Variants in MCM3AP observed in about 807,000 individuals in gnomAD.
The protein encoded by MCM3AP is germinal-center associated nuclear protein.
A neutral mutation model predicts 184.1 loss-of-function variants in MCM3AP; 126 were observed. That is an observed-to-expected ratio of 0.68 (90% CI 0.59 to 0.79). The LOEUF (loss-of-function observed/expected upper bound fraction) is 0.79, where lower values mean the gene tolerates loss of function less well. MCM3AP is among the 30% of genes least tolerant of loss of function. The pLI is 0.00. For missense variants in MCM3AP, 2,496 were observed against 2,479.2 expected, an observed-to-expected ratio of 1.01 and a Z score of -0.14; for synonymous variants, 1,002 against 979.3, an observed-to-expected ratio of 1.02 and a Z score of -0.43.
At chr21:46,266,781 G>T in intron 10 of MCM3AP, 1 of 591,066 alleles carries the variant, frequency 1.7e-6, no homozygotes, top group South Asian at 2.2e-5. Flanking sequence ...AAAGAACTTG[G>T]TCTGAGCCCT....
At chr21:46,248,771 T>C (rs543419997) in intron 20 of MCM3AP, among the ~76,000 whole-genome samples, 2 of 152,098 alleles carry the variant, frequency 1.3e-5, no homozygotes, top group East Asian at 1.9e-4. Flanking sequence ...AAGTAATATA[T>C]ATGGAATAAA....
At chr21:46,258,524 T>C (rs938517968) in intron 16 of MCM3AP, among the ~76,000 whole-genome samples, 2 of 152,208 alleles carry the variant, frequency 1.3e-5, no homozygotes, top group East Asian at 3.8e-4. Context: ...GAATATACAC[T>C]ATTTGTATAT....
chr21:46,248,615 G>GGA (rs2080815061), intron 20 of MCM3AP, among the ~76,000 whole-genome samples: 2 of 81,282 alleles, frequency 2.5e-5, no homozygotes, highest in African/African-American at 6.2e-5. Context: ...GTAACAGAGA[G>GGA]GAAAAAAAAA....
At chr21:46,280,611 A>G (rs2081320064) in intron 2 of MCM3AP, 36 bp from the exon 3 acceptor site, 2 of 1,422,656 alleles carry the variant, frequency 1.4e-6, no homozygotes, top group African/African-American at 1.4e-5. Flanking sequence ...GTGTGAGTAT[A>G]TCAGGAAACC....
At chr21:46,266,914 C>G in intron 10 of MCM3AP, 68 bp downstream of exon 10, 2 of 1,549,498 alleles carry the variant, frequency 1.3e-6, no homozygotes, top group South Asian at 2.3e-5. Flanking sequence ...CAGCCCTTCA[C>G]AGCCCTTCAT....
chr21:46,262,465 TAGAG>T (rs2081052377), intron 13 of MCM3AP, among the ~76,000 whole-genome samples: 3 of 151,422 alleles, frequency 2.0e-5, no homozygotes, highest in Admixed American at 2.0e-4. Context: ...CTGGGCAACA[TAGAG>T]AGACCCCATC....
rs1287533934 is a variant in MCM3AP at position 46,284,495 on chromosome 21, C to T, written c.792G>A (p.Gln264=). The change falls in exon 1 of 28, where the codon CAG becomes CAA. Residue 264 remains glutamine, a synonymous_variant. Coordinates refer to ENST00000291688, the MANE Select transcript of MCM3AP (RefSeq NM_003906.5). ...VSSAVLGEPF[Q]ASKAGVRQGC... is the part of the protein sequence containing the mutation. The stretch of plus-strand genomic sequence containing the variant: ...CCTGCCTGACACCTGCTTTGCTAGC[C>T]TGGAAAGGTTCGCCCAAAACCGCAG... 1.2e-6 allele frequency: 2 copies of T among 1,614,196 alleles called. No homozygotes were observed. Among genetic ancestry groups the T allele is most frequent in the South Asian group, 2.2e-5 (2 of 91,082 alleles).
chr21:46,261,635 AG>A (rs2081042787), intron 13 of MCM3AP, among the ~76,000 whole-genome samples: 1 of 151,626 alleles, frequency 6.6e-6, no homozygotes, highest in Non-Finnish European at 1.5e-5. Flanking sequence ...CAGGAGGCTG[AG>A]GCAGAAGAAT....
At chr21:46,237,150 G>A (rs775774291) in intron 26 of MCM3AP, among the ~76,000 whole-genome samples, 171 bp from the exon 27 acceptor site, 23 of 138,276 alleles carry the variant, frequency 1.7e-4, no homozygotes, top group Non-Finnish European at 2.7e-4. Context: ...TGCCCAGGCT[G>A]GAGTGCAGTG....
intron 13 of MCM3AP, among the ~76,000 whole-genome samples, chr21:46,262,772 C>T (rs2081056311): frequency 6.6e-6 from 1 of 150,486 alleles, no homozygotes; most frequent in Non-Finnish European, 1.5e-5. Flanking sequence ...TTGAGACCAT[C>T]CTGGCTAACA....
rs939017384 is a variant in MCM3AP, at chr21:46,254,814, G to C, written c.3963C>G (p.His1321Gln). 16 of 1,614,028 alleles carry C rather than the reference G, an allele frequency of 9.9e-6. No homozygotes were observed. The African/African-American group carries it at 1.7e-4, about 18-fold the overall frequency. ...GGTAGAAGTGCTGAACCTTCATCTG[G>C]TGAGCTGTCTTGTTTCTGAGCCGCC... The part of the protein sequence containing the change: ...RLRRLRNKTA[H>Q]QMKVQHFYQQ... The change falls in exon 18 of 28, where the codon CAC (histidine) becomes CAG (glutamine). Residue 1321 changes from histidine to glutamine, a missense_variant. This residue lies in a region of MCM3AP where 1,323 missense variants were observed against 1,273.4 expected (regional missense o/e 1.04). Transcript: ENST00000291688.
Position 46,265,407 on chromosome 21 carries a change from T to C in MCM3AP, c.3148A>G (p.Thr1050Ala), listed in dbSNP as rs867955357. Residue 1050 changes from threonine (T) to alanine (A), a missense_variant, in exon 12 of 28, where the codon ACC (threonine) becomes GCC (alanine). This residue lies in a region of MCM3AP where 1,323 missense variants were observed against 1,273.4 expected (regional missense o/e 1.04). Coordinates refer to ENST00000291688, the MANE Select transcript of MCM3AP (RefSeq NM_003906.5). Reference protein sequence around the residue: ...PVPLPPVLALTPSVAPSLFQL... With the variant: ...PVPLPPVLALAPSVAPSLFQL... ...AAGAGGCTGGGCGCCACAGACGGGG[T>C]CAGTGCCAGGACAGGAGGCAGAGGC... is the stretch of plus-strand genomic sequence containing the variant. 1 of 1,613,422 alleles carries C rather than the reference T, an allele frequency of 6.2e-7. No homozygotes were observed. Among genetic ancestry groups the C allele is most frequent in the Middle Eastern group, 1.7e-4 (1 of 6,058 alleles).
chr21:46,280,184 C>T (rs1322140664), intron 3 of MCM3AP, 47 bp from the exon 4 acceptor site: 1 of 1,590,122 alleles, frequency 6.3e-7, no homozygotes, highest in Non-Finnish European at 8.6e-7. Context: ...CACAGATCAC[C>T]TGGAACTGGA....
chr21:46,254,288 TC>T, intron 19 of MCM3AP, 103 bp downstream of exon 19: 2 of 1,252,802 alleles, frequency 1.6e-6, no homozygotes, highest in South Asian at 1.3e-5. Context: ...AACCTACACT[TC>T]CGAGTTCCCA....
intron 20 of MCM3AP, among the ~76,000 whole-genome samples, chr21:46,248,835 T>C (rs377367509): frequency 5.9e-5 from 9 of 151,646 alleles, no homozygotes; most frequent in East Asian, 5.8e-4. Context: ...CAGAACACAG[T>C]AGGAAGAGAT....
rs1456974658 is a variant in MCM3AP, at chr21:46,246,351, T to C, written c.4603A>G (p.Thr1535Ala). The change falls in exon 22 of 28, where the codon ACC (threonine) becomes GCC (alanine). Residue 1535 changes from threonine to alanine, a missense_variant. Physicochemically the swap from Thr to Ala is moderately conservative, Grantham distance 58. This residue lies in a region of MCM3AP where 1,323 missense variants were observed against 1,273.4 expected (regional missense o/e 1.04). Transcript: ENST00000291688. ...SAKLISDYTV[T>A]EIPDTINDLQ... The stretch of plus-strand genomic sequence containing the variant: ...TCATTAATGGTATCAGGGATCTCGG[T>C]AACAGTGTAATCTGAAATCAGCTTA... 2 of 1,613,020 alleles carry C rather than the reference T, an allele frequency of 1.2e-6. No homozygotes were observed. Among genetic ancestry groups the C allele is most frequent in the Non-Finnish European group, 1.7e-6 (2 of 1,179,078 alleles).
At position 46,235,173 on chromosome 21, in the gene MCM3AP, A is replaced by G. The variant is rs2080496025; in HGVS notation, c.*95T>C. ...TTATCTGCATGATTAAATTAATCAC[A>G]TTTCCAACAGTGCATCAAGCATCTG... On this transcript the variant is annotated 3_prime_UTR_variant, in exon 28 of 28. Transcript: ENST00000291688. 7.7e-7 allele frequency: 1 copy of G among 1,301,716 alleles called. No individual in the cohort carries two copies. Among genetic ancestry groups the G allele is most frequent in the Non-Finnish European group, 1.1e-6 (1 of 926,758 alleles). The allele number at this position is 1,301,716 out of a possible 1,614,324, so 80.6% of individuals were successfully genotyped here. A position where few individuals can be genotyped will look rare whatever the true frequency, so the allele number is the denominator to read the frequency against.
chr21:46,283,484 G>T, intron 2 of MCM3AP, 131 bp downstream of exon 2: 1 of 635,468 alleles, frequency 1.6e-6, no homozygotes, highest in Non-Finnish European at 2.7e-6. Context: ...CCCAGCCTAT[G>T]CTAATAAGAT....
chr21:46,272,454 A>G (rs2081192910), intron 8 of MCM3AP, 107 bp downstream of exon 8: 2 of 1,171,474 alleles, frequency 1.7e-6, no homozygotes, highest in Non-Finnish European at 2.4e-6. Flanking sequence ...ATCTGCTACC[A>G]GACAGAATGC....
Sources: allele counts gnomAD v4.1 joint callset (sites outside exome capture counted in the v4.1 genomes callset), GRCh38; gene constraint gnomAD v4.1.1; regional missense constraint gnomAD v4.1.1; transcripts MANE v1.5; gene names NCBI Gene and HGNC (gene_info 2026-07-23, HGNC 2026-07-21).